TRHDE: variants seen among roughly 807,000 people sequenced by gnomAD.
TRHDE encodes thyrotropin-releasing hormone-degrading ectoenzyme.
In TRHDE, 72 loss-of-function variants were observed where a neutral mutation model predicts 125.7. The observed-to-expected ratio is 0.57, with a 90% CI of 0.47 to 0.70. The LOEUF (loss-of-function observed/expected upper bound fraction) is 0.70. Among genes scored for constraint, TRHDE ranks in the 30% least tolerant of loss-of-function variants. The pLI is 0.00. For missense variants in TRHDE, 1,110 were observed against 1,327.1 expected (o/e 0.84, Z 2.54); for synonymous variants, 509 against 509.1 (o/e 1.00, Z 0.00).
At chr12:72,622,294 GTTTAA>G (rs1873084958) in intron 15 of TRHDE, among the ~76,000 whole-genome samples, 1 of 151,932 alleles carries the variant, frequency 6.6e-6, no homozygotes, top group Non-Finnish European at 1.5e-5. Flanking sequence ...GGTTAAAATT[GTTTAA>G]TTAAATTACT....
At chr12:72,172,736 A>G (rs1479781130) in intron 2 of TRHDE, among the ~76,000 whole-genome samples, 1 of 152,206 alleles carries the variant, frequency 6.6e-6, no homozygotes, top group East Asian at 1.9e-4. Flanking sequence ...TAATAATTCC[A>G]GGATTAAAAG....
chr12:72,138,623 G>C (rs1876043706), intron 2 of TRHDE, among the ~76,000 whole-genome samples: 1 of 152,208 alleles, frequency 6.6e-6, no homozygotes, highest in South Asian at 2.1e-4. Flanking sequence ...AAACTGTCCA[G>C]TCCCATCTAC....
intron 3 of TRHDE, among the ~76,000 whole-genome samples, chr12:72,428,747 C>A (rs933602834): frequency 2.0e-5 from 3 of 152,002 alleles, no homozygotes; most frequent in Non-Finnish European, 4.4e-5. Flanking sequence ...AAAAAGGAAA[C>A]CCCATTTTCT....
intron 6 of TRHDE, among the ~76,000 whole-genome samples, chr12:72,530,642 A>C (rs936704308): frequency 6.8e-6 from 1 of 147,890 alleles, no homozygotes; most frequent in Non-Finnish European, 1.5e-5. Flanking sequence ...AGATTTCAAA[A>C]TCCGGTTATG....
intron 3 of TRHDE, among the ~76,000 whole-genome samples, chr12:72,429,575 T>C (rs1874354850): frequency 6.6e-6 from 1 of 151,984 alleles, no homozygotes; most frequent in South Asian, 2.1e-4. Flanking sequence ...ATGTGGGAAC[T>C]CTATATTTAA....
At chr12:72,254,801 A>G (rs941859804) in intron 2 of TRHDE, 3 of 152,098 alleles carry the variant, frequency 2.0e-5, no homozygotes, top group African/African-American at 4.8e-5. Context: ...ATTCCAACAA[A>G]TCCCTTTCTT....
intron 12 of TRHDE, among the ~76,000 whole-genome samples, chr12:72,600,957 T>A (rs1393846151): frequency 6.6e-6 from 1 of 152,098 alleles, no homozygotes; most frequent in Non-Finnish European, 1.5e-5. Flanking sequence ...AACCTGTAGA[T>A]CAAGGAATAA....
intron 2 of TRHDE, among the ~76,000 whole-genome samples, chr12:72,370,282 T>G (rs1001374440): frequency 6.6e-6 from 1 of 152,180 alleles, no homozygotes; most frequent in African/African-American, 2.4e-5. Context: ...GCATCCCTAC[T>G]GCCATCTCTC....
rs913186635 is a variant in TRHDE, at chr12:72,619,036, A to G, written c.2467A>G (p.Asn823Asp). 2.6e-6 allele frequency: 4 copies of G among 1,550,134 alleles called. No individual in the cohort carries two copies. The highest frequency in any genetic ancestry group is 2.1e-5 in the Admixed American group (1 of 47,164). ...CCGCATGGAAAACTACAACATTTTCAATGTAAAAAGATATAATTTTTCTTT... is the reference window on the plus strand; with the variant it reads ...CCGCATGGAAAACTACAACATTTTCGATGTAAAAAGATATAATTTTTCTTT... ...LDRMENYNIF[N>D]EYILKQVATT... The change falls in exon 13 of 19, where the codon AAT becomes GAT. Residue 823 changes from asparagine (N) to aspartate (D), a missense_variant and splice_region_variant. By Grantham distance (23) the Asn-to-Asp change is conservative. Around this residue, in one of 5 missense-constraint regions of TRHDE, gnomAD observed 527 missense variants for 651.8 expected, o/e 0.81. Coordinates refer to ENST00000261180, the MANE Select transcript of TRHDE (RefSeq NM_013381.3).
In TRHDE at chr12:72,298,368, A is replaced by G. The variant is rs139930609; in HGVS notation, c.1188+11414A>G. 8.1e-3 allele frequency among the ~76,000 whole-genome samples: 1,235 copies of G among 152,298 alleles called. 9 individuals are homozygous for G. The highest frequency in any genetic ancestry group is 0.014 in the Non-Finnish European group (922 of 68,016). ...TTGGGTGACTGCAGAGGGAGTTGCC[A>G]GTCCAGTTGTCTCTTAGATAAGGTC... On this transcript the variant is annotated intron_variant, in intron 2 of 18. Transcript: ENST00000261180.
intron 2 of TRHDE, among the ~76,000 whole-genome samples, chr12:72,178,803 T>C (rs1395050174): frequency 6.6e-6 from 1 of 152,070 alleles, no homozygotes; most frequent in African/African-American, 2.4e-5. Context: ...TTAAATTGAC[T>C]TGAGAACAGA....
chr12:72,627,783 A>G (rs1873322158), intron 15 of TRHDE, among the ~76,000 whole-genome samples: 1 of 151,646 alleles, frequency 6.6e-6, no homozygotes, highest in South Asian at 2.1e-4. Flanking sequence ...AGGCTCAAGT[A>G]ACACTCCCAC....
chr12:72,398,265 G>A (rs1872888985), intron 3 of TRHDE, among the ~76,000 whole-genome samples: 1 of 151,932 alleles, frequency 6.6e-6, no homozygotes, highest in African/African-American at 2.4e-5. Context: ...CCAAGTCTTT[G>A]CTATTGTGAA....
At position 72,499,611 on chromosome 12, in the gene TRHDE, G is replaced by A. The variant is rs1295577109; in HGVS notation, c.1698G>A (p.Val566=). Residue 566 remains valine (V), a synonymous_variant, in exon 6 of 19, where the codon GTG becomes GTA. Transcript: ENST00000261180. ...EVLQATDIDR[V]FDWIAYKKGA... ...TGCAGGCAACAGATATTGACAGGGT[G>A]TTTGACTGGATCGCATATAAAAAGG... is the stretch of plus-strand genomic sequence containing the variant. 1.9e-6 allele frequency: 3 copies of A among 1,613,680 alleles called. No individual in the cohort carries two copies. In the Admixed American group the frequency reaches 5.0e-5, roughly 27 times the overall value.
intron 2 of TRHDE, among the ~76,000 whole-genome samples, chr12:72,292,681 C>A (rs1880133368): frequency 2.0e-5 from 3 of 152,210 alleles, no homozygotes; most frequent in African/African-American, 7.2e-5. Flanking sequence ...TCACCAACAG[C>A]CTCCTCAAGC....
chr12:72,621,037 C>T, intron 13 of TRHDE, 71 bp from the exon 14 acceptor site: 2 of 705,188 alleles, frequency 2.8e-6, no homozygotes, highest in Admixed American at 2.5e-5. Flanking sequence ...AATTTTATTA[C>T]AGAATTTTAA....
chr12:72,308,860 G>GAAACTCCCATCTCAATTTAGTGCCGA (rs1868408101), intron 2 of TRHDE, among the ~76,000 whole-genome samples: 2 of 152,100 alleles, frequency 1.3e-5, no homozygotes, highest in African/African-American at 4.8e-5. Flanking sequence ...TAGTTGAGAA[G>GAAACTCCCATCTCAATTTAGTGCCGA]AAACTCCCAT....
intron 2 of TRHDE, among the ~76,000 whole-genome samples, chr12:72,250,748 C>T (rs1036959773): frequency 6.6e-6 from 1 of 150,568 alleles, no homozygotes; most frequent in Admixed American, 6.7e-5. Flanking sequence ...GAGATAGTCT[C>T]AAAGCCTAAT....
At chr12:72,205,085 T>C (rs940195870) in intron 2 of TRHDE, among the ~76,000 whole-genome samples, 4 of 152,218 alleles carry the variant, frequency 2.6e-5, no homozygotes, top group African/African-American at 9.6e-5. Flanking sequence ...AGGAACTTGT[T>C]TGATAAATGA....
Sources: allele counts gnomAD v4.1 joint callset (sites outside exome capture counted in the v4.1 genomes callset), GRCh38; gene constraint gnomAD v4.1.1; regional missense constraint gnomAD v4.1.1; transcripts MANE v1.5; gene names NCBI Gene and HGNC (gene_info 2026-07-23, HGNC 2026-07-21).